SCAF4: variants seen among roughly 807,000 people sequenced by gnomAD.
The protein encoded by SCAF4 is SR-related and CTD-associated factor 4.
In SCAF4, 25 loss-of-function variants were observed where a neutral mutation model predicts 129.8. The observed-to-expected ratio is 0.19, with a 90% CI of 0.14 to 0.27. The LOEUF (loss-of-function observed/expected upper bound fraction) is 0.27. Among genes scored for constraint, SCAF4 ranks in the 10% least tolerant of loss-of-function variants. The pLI is 1.00. For synonymous variants in SCAF4, 551 were observed against 497.7 expected (o/e 1.11, Z -1.43); for missense variants, 1,246 against 1,457.1 (o/e 0.86, Z 2.36).
At chr21:31,721,193 G>T (rs1034559575) in intron 1 of SCAF4, among the ~76,000 whole-genome samples, 2 of 151,970 alleles carry the variant, frequency 1.3e-5, no homozygotes, top group Non-Finnish European at 2.9e-5. Context: ...TGTCTCTACG[G>T]GTTTGCTTTA....
intron 13 of SCAF4, 26 bp from the exon 14 acceptor site, chr21:31,691,956 A>C (rs1238957824): frequency 4.1e-6 from 5 of 1,225,556 alleles, no homozygotes; most frequent in Non-Finnish European, 4.7e-6. Flanking sequence ...TTAATATTAT[A>C]AAAGATAACA....
intron 6 of SCAF4, 68 bp from the exon 7 acceptor site, chr21:31,701,239 T>C (rs550401933): frequency 1.4e-5 from 19 of 1,375,682 alleles, no homozygotes; most frequent in Non-Finnish European, 1.8e-5. Context: ...GTTAATTTAA[T>C]AAAAAAATGT....
At chr21:31,678,880 G>A (rs1367518455) in intron 19 of SCAF4, among the ~76,000 whole-genome samples, 1 of 152,160 alleles carries the variant, frequency 6.6e-6, no homozygotes, top group Admixed American at 6.5e-5. Context: ...CCAGGTCTGC[G>A]AAAATATAAA....
intron 1 of SCAF4, among the ~76,000 whole-genome samples, chr21:31,725,312 T>A (rs1160086953): frequency 6.6e-6 from 1 of 152,072 alleles, no homozygotes; most frequent in Non-Finnish European, 1.5e-5. Context: ...ATGAACTAAA[T>A]TCTAGAAGAC....
intron 1 of SCAF4, among the ~76,000 whole-genome samples, chr21:31,731,400 T>C (rs1601294750): frequency 6.6e-6 from 1 of 151,668 alleles, no homozygotes; most frequent in Non-Finnish European, 1.5e-5. Context: ...ACTTGGGCTA[T>C]GGGAGGCCGC....
At chr21:31,691,041 C>T (rs2070423) in intron 14 of SCAF4, 88 bp from the exon 15 acceptor site, 108,578 of 1,137,228 alleles carry the variant, frequency 0.095, 10,835 homozygotes, top group East Asian at 0.52. Flanking sequence ...CTATCCATTC[C>T]GACTCGGGCA....
chr21:31,696,426 T>A (rs1168925486), intron 8 of SCAF4, 143 bp downstream of exon 8: 1 of 911,818 alleles, frequency 1.1e-6, no homozygotes, highest in Non-Finnish European at 1.6e-6. Context: ...GAGGATCCCT[T>A]CCTCATTCAA....
At chr21:31,702,186 T>G in intron 5 of SCAF4, 58 bp downstream of exon 5, 2 of 1,603,284 alleles carry the variant, frequency 1.2e-6, no homozygotes, top group Non-Finnish European at 1.7e-6. Flanking sequence ...AAACTCTGAC[T>G]GTTTCATGTG....
At chr21:31,687,244 T>C (rs1378228165) in intron 16 of SCAF4, among the ~76,000 whole-genome samples, 3 of 152,202 alleles carry the variant, frequency 2.0e-5, no homozygotes, top group South Asian at 2.1e-4. Flanking sequence ...GTCAAGTTCT[T>C]ATAATTTTCA....
chr21:31,691,671 TTA>T, intron 14 of SCAF4, 144 bp downstream of exon 14: 11 of 382,398 alleles, frequency 2.9e-5, no homozygotes, highest in Non-Finnish European at 3.6e-5. Flanking sequence ...GAAATATTCT[TTA>T]AAAAAAAAAA....
At chr21:31,715,158 T>G (rs2050894606) in intron 1 of SCAF4, among the ~76,000 whole-genome samples, 1 of 152,182 alleles carries the variant, frequency 6.6e-6, no homozygotes, top group African/African-American at 2.4e-5. Flanking sequence ...AAGAATCTAT[T>G]TCTTGTCTAA....
chr21:31,700,322 T>C (rs542252104), intron 7 of SCAF4, among the ~76,000 whole-genome samples: 52 of 151,722 alleles, frequency 3.4e-4, no homozygotes, highest in Admixed American at 7.2e-4. Flanking sequence ...CCCAGGCTGG[T>C]CTCAAACTCC....
chr21:31,686,424 G>A (rs2050127049), intron 16 of SCAF4, among the ~76,000 whole-genome samples: 2 of 152,086 alleles, frequency 1.3e-5, no homozygotes, highest in African/African-American at 2.4e-5. Context: ...AGGTCCTGGA[G>A]CCAAACTGTC....
chr21:31,720,408 C>T (rs949461923), intron 1 of SCAF4, among the ~76,000 whole-genome samples: 15 of 152,158 alleles, frequency 9.9e-5, no homozygotes, highest in Non-Finnish European at 1.6e-4. Context: ...TAAACTGTGA[C>T]AAGTCCTTCC....
intron 19 of SCAF4, 59 bp from the exon 20 acceptor site, chr21:31,672,413 CTG>C (rs763138985): frequency 3.1e-6 from 4 of 1,296,942 alleles, no homozygotes; most frequent in Non-Finnish European, 4.4e-6. Flanking sequence ...CCAGTTTCAG[CTG>C]TGTTCTGTGG....
chr21:31,695,591 T>C (rs1208754552), intron 9 of SCAF4, among the ~76,000 whole-genome samples: 1 of 152,178 alleles, frequency 6.6e-6, no homozygotes, highest in Non-Finnish European at 1.5e-5. Flanking sequence ...ACACTTGAAA[T>C]AACAAAAATG....
intron 16 of SCAF4, among the ~76,000 whole-genome samples, chr21:31,686,096 C>T (rs889675420): frequency 3.3e-5 from 5 of 150,954 alleles, no homozygotes; most frequent in Admixed American, 6.6e-5. Flanking sequence ...CCAGCTACTC[C>T]GGAGGCTGAG....
rs368250412 is a variant in SCAF4, at chr21:31,685,490, A to G, written c.2210-6T>C. Reference sequence around the variant, plus strand: ...GGGTCCAGGAGGCAGAAAACCTAGAATAAGAAAAATAATGTCAACTTATGC... The same window carrying G: ...GGGTCCAGGAGGCAGAAAACCTAGAGTAAGAAAAATAATGTCAACTTATGC... On this transcript the variant is annotated splice_polypyrimidine_tract_variant and splice_region_variant and intron_variant, in intron 17 of 19. Coordinates refer to ENST00000286835, the MANE Select transcript of SCAF4 (RefSeq NM_020706.2). The G allele has an allele frequency of 1.7e-5, 28 of 1,613,278 alleles. No homozygotes were observed. The highest frequency in any genetic ancestry group is 2.1e-5 in the Non-Finnish European group (25 of 1,179,508).
chr21:31,676,747 T>C (rs2049866029), intron 19 of SCAF4, among the ~76,000 whole-genome samples: 1 of 152,206 alleles, frequency 6.6e-6, no homozygotes, highest in African/African-American at 2.4e-5. Context: ...TACTATTCAA[T>C]GGTTTTAGTA....
Sources: gnomAD v4.1 joint callset for allele counts (sites outside exome capture counted in the v4.1 genomes callset) on GRCh38, gnomAD v4.1.1 for gene constraint, MANE v1.5 for transcripts, NCBI Gene and HGNC (gene_info 2026-07-23, HGNC 2026-07-21) for gene names.